The following TENM3 variants were observed in gnomAD, a reference collection of about 807,000 sequenced individuals.
TENM3 encodes the protein teneurin transmembrane protein 3, also known as teneurin-3.
Under a neutral mutation model 255.1 loss-of-function variants are expected in TENM3, and 63 were observed. That is an observed-to-expected ratio of 0.25 (90% CI 0.20 to 0.30). TENM3 has a LOEUF of 0.30. Among genes scored for constraint, TENM3 ranks in the 10% least tolerant of loss-of-function variants. TENM3 has a pLI of 1.00. For synonymous variants in TENM3, 1,306 were observed against 1,322.3 expected, an observed-to-expected ratio of 0.99 and a Z score of 0.27; for missense variants, 2,929 against 3,461.1, an observed-to-expected ratio of 0.85 and a Z score of 3.86.
At chr4:182,456,999 A>G (rs1281056734) in intron 3 of TENM3, among the ~76,000 whole-genome samples, 5 of 152,098 alleles carry the variant, frequency 3.3e-5, no homozygotes, top group Non-Finnish European at 7.4e-5. Flanking sequence ...CCTGGCCAAC[A>G]TGGAGAAACC....
chr4:181,596,923 G>A, the TENM3 span, among the ~76,000 whole-genome samples: 1 of 152,072 alleles, frequency 6.6e-6, no homozygotes, highest in Non-Finnish European at 1.5e-5. Context: ...ATACACTGGG[G>A]CCTTTTGGGA....
chr4:182,360,978 T>C (rs1457885716), intron 3 of TENM3, among the ~76,000 whole-genome samples: 7 of 152,230 alleles, frequency 4.6e-5, no homozygotes, highest in African/African-American at 1.2e-4. Flanking sequence ...CCTTCACTTA[T>C]GAAGCTTAGT....
At chr4:181,502,117 AC>A in the TENM3 span, among the ~76,000 whole-genome samples, 6 of 152,236 alleles carry the variant, frequency 3.9e-5, no homozygotes, top group Middle Eastern at 0.014. Context: ...TTGAAGCAAA[AC>A]CTTATTTAGA....
chr4:182,192,949 T>C (rs1001906079), intron 1 of TENM3, among the ~76,000 whole-genome samples: 1 of 152,226 alleles, frequency 6.6e-6, no homozygotes, highest in Non-Finnish European at 1.5e-5. Context: ...TCCTGTGAAA[T>C]CTTGTTCTGT....
In TENM3 at chr4:182,278,718, C is replaced by T. The variant is rs146734099; in HGVS notation, c.-76+35242C>T. 7.3e-3 allele frequency among the ~76,000 whole-genome samples: 1,100 copies of T among 151,442 alleles called. 1 individual carries two copies. Among genetic ancestry groups the T allele is most frequent in the Middle Eastern group, 0.021 (6 of 292 alleles). On this transcript the variant is annotated intron_variant, in intron 1 of 27. Coordinates refer to ENST00000511685, the MANE Select transcript of TENM3 (RefSeq NM_001080477.4). Reference sequence around the variant, plus strand: ...TCAGCTCCATCCCTCTGTGACATTTCGTGATTTGATTAATGAATGCCTCCA... The same window carrying T: ...TCAGCTCCATCCCTCTGTGACATTTTGTGATTTGATTAATGAATGCCTCCA...
the TENM3 span, among the ~76,000 whole-genome samples, chr4:181,489,397 T>C: frequency 6.6e-6 from 1 of 152,350 alleles, no homozygotes; most frequent in African/African-American, 2.4e-5. Flanking sequence ...TGTGTGTGTG[T>C]GCATGGGTGT....
chr4:181,932,431 C>T, the TENM3 span, among the ~76,000 whole-genome samples: 2 of 152,186 alleles, frequency 1.3e-5, no homozygotes, highest in African/African-American at 4.8e-5. Context: ...CATCACTGGC[C>T]ATCAGAGAAA....
intron 6 of TENM3, among the ~76,000 whole-genome samples, chr4:182,660,700 A>C (rs1294035640): frequency 6.6e-6 from 1 of 152,214 alleles, no homozygotes; most frequent in Non-Finnish European, 1.5e-5. Flanking sequence ...TTATGAAAGA[A>C]ATATTATCGT....
At position 182,789,037 on chromosome 4, in the gene TENM3, G is replaced by GT; in HGVS notation, c.5305-56_5305-55insT. 7.0e-7 allele frequency: 1 copy of GT among 1,437,406 alleles called. No homozygotes were observed. Among genetic ancestry groups the GT allele is most frequent in the Non-Finnish European group, 9.4e-7 (1 of 1,060,934 alleles). The allele number at this position is 1,437,406 out of a possible 1,614,324, so 89.0% of individuals were successfully genotyped here. ...TAAATGGTGTTTAAACAATACTGGGGACTCCGGTGTTGGAATAACATGATT... is the reference window on the plus strand; with the variant it reads ...TAAATGGTGTTTAAACAATACTGGGGTACTCCGGTGTTGGAATAACATGATT... On this transcript the variant is annotated intron_variant, in intron 24 of 27. Coordinates refer to ENST00000511685, the MANE Select transcript of TENM3 (RefSeq NM_001080477.4). The surrounding 1 kb of genome is among the most constrained non-coding windows in gnomAD (Gnocchi z 4.4).
chr4:181,939,709 CG>C, the TENM3 span, among the ~76,000 whole-genome samples: 1 of 152,134 alleles, frequency 6.6e-6, no homozygotes. Flanking sequence ...GGTTGGGGTG[CG>C]GGGCGCTCAG....
At chr4:182,397,849 G>A (rs1008441015) in intron 3 of TENM3, among the ~76,000 whole-genome samples, 3 of 152,280 alleles carry the variant, frequency 2.0e-5, no homozygotes, top group South Asian at 2.1e-4. Flanking sequence ...ACCATACTAT[G>A]AGGACCACTG....
At chr4:182,344,706 A>T (rs1489899001) in intron 2 of TENM3, among the ~76,000 whole-genome samples, 1 of 152,082 alleles carries the variant, frequency 6.6e-6, no homozygotes, top group Non-Finnish European at 1.5e-5. Flanking sequence ...AAAGGATCTT[A>T]TTTATTTTTC....
chr4:181,883,166 TAA>T, the TENM3 span, among the ~76,000 whole-genome samples: 1 of 142,670 alleles, frequency 7.0e-6, no homozygotes, highest in Non-Finnish European at 1.5e-5. Context: ...TTAGTTCATC[TAA>T]CATTTGAAAT....
the TENM3 span, among the ~76,000 whole-genome samples, chr4:181,970,138 A>G: frequency 6.6e-6 from 1 of 152,268 alleles, no homozygotes; most frequent in Admixed American, 6.5e-5. Flanking sequence ...AAAGCTAAAT[A>G]GTATTCATCT....
chr4:182,369,803 C>A (rs1057007642), intron 3 of TENM3, among the ~76,000 whole-genome samples: 6 of 152,180 alleles, frequency 3.9e-5, no homozygotes, highest in Admixed American at 1.3e-4. Context: ...ATTGCTCGAA[C>A]CCGGGAGGCG....
At position 182,770,055 on chromosome 4, in the gene TENM3, G is replaced by A. The variant is rs549682721; in HGVS notation, c.4893-3417G>A. ...CAGGAGGCGGAGGTTGCAGTGAGCCGAGATCATGCCACTGCATTCCAGTCT... is the reference window on the plus strand; with the variant it reads ...CAGGAGGCGGAGGTTGCAGTGAGCCAAGATCATGCCACTGCATTCCAGTCT... On this transcript the variant is annotated intron_variant, in intron 22 of 27. Coordinates refer to ENST00000511685, the MANE Select transcript of TENM3 (RefSeq NM_001080477.4). 5.7e-3 allele frequency among the ~76,000 whole-genome samples: 852 copies of A among 149,104 alleles called. 3 individuals are homozygous for A. Among genetic ancestry groups the A allele is most frequent in the South Asian group, 0.022 (103 of 4,634 alleles).
chr4:182,673,924 A>C (rs186845577), intron 7 of TENM3, among the ~76,000 whole-genome samples: 105 of 152,360 alleles, frequency 6.9e-4, no homozygotes, highest in African/African-American at 2.4e-3. Context: ...TTCATAATCT[A>C]ATACAGTACC....
chr4:181,559,818 G>A, the TENM3 span, among the ~76,000 whole-genome samples: 1 of 152,170 alleles, frequency 6.6e-6, no homozygotes, highest in African/African-American at 2.4e-5. Context: ...CATCTTCAAG[G>A]TGCAGCTTGC....
intron 4 of TENM3, among the ~76,000 whole-genome samples, chr4:182,615,934 A>G (rs1749472700): frequency 1.3e-5 from 2 of 152,182 alleles, no homozygotes; most frequent in African/African-American, 4.8e-5. Flanking sequence ...CTTGAAGTTA[A>G]ACTTAAGCTA....
Sources: allele counts gnomAD v4.1 joint callset (sites outside exome capture counted in the v4.1 genomes callset), GRCh38; gene constraint gnomAD v4.1.1; non-coding constraint Gnocchi (gnomAD v3.1); transcripts MANE v1.5; gene names NCBI Gene and HGNC (gene_info 2026-07-23, HGNC 2026-07-21).